Variants in ADARB2 observed in about 807,000 individuals in gnomAD.
ADARB2 encodes adenosine deaminase RNA specific B2 (inactive).
A neutral mutation model predicts 62.2 loss-of-function variants in ADARB2; 25 were observed. The observed-to-expected ratio is 0.40, with a 90% CI of 0.29 to 0.56. The LOEUF is 0.56. Among genes scored for constraint, ADARB2 ranks in the 20% least tolerant of loss-of-function variants. ADARB2 has a pLI of 0.43. For synonymous variants in ADARB2, 572 were observed against 500.8 expected (o/e 1.14, Z -1.90); for missense variants, 1,071 against 1,077.4 (o/e 0.99, Z 0.08).
In ADARB2 at chr10:1,363,287, G is replaced by A; in HGVS notation, c.818C>T (p.Ala273Val). 1.8e-5 allele frequency: 22 copies of A among 1,239,004 alleles called. No homozygotes were observed. The highest frequency in any genetic ancestry group is 2.2e-5 in the Non-Finnish European group (22 of 990,502). 76.8% of individuals were successfully genotyped at this position (1,239,004 alleles called of 1,614,324 possible). Residue 273 changes from alanine (A) to valine (V), a missense_variant, in exon 3 of 10, where the codon GCC becomes GTC. Physicochemically the swap from Ala to Val is moderately conservative, Grantham distance 64. Transcript: ENST00000381312. Reference protein sequence around the residue: ...LVGPTPATPAAPGERNPVVLL... With the variant: ...LVGPTPATPAVPGERNPVVLL... ...CACCACGGGGTTGCGCTCGCCCGGG[G>A]CCGCGGGGGTGGCGGGGGTCGGGCC...
intron 4 of ADARB2, among the ~76,000 whole-genome samples, chr10:1,256,185 ATCCAGC>A (rs1831077816): frequency 6.6e-6 from 1 of 152,198 alleles, no homozygotes; most frequent in South Asian, 2.1e-4. Flanking sequence ...GTTTTTGAAC[ATCCAGC>A]TCCAAGCTGT....
chr10:1,271,166 T>C (rs116828738), intron 3 of ADARB2, 97 bp from the exon 4 acceptor site: 22,441 of 972,116 alleles, frequency 0.023, 364 homozygotes, highest in Middle Eastern at 0.052. Context: ...CTCATCCCCA[T>C]GTGGCCACAC....
chr10:1,341,501 C>T (rs1832027715), intron 3 of ADARB2, among the ~76,000 whole-genome samples: 2 of 146,238 alleles, frequency 1.4e-5, no homozygotes, highest in African/African-American at 2.6e-5. Flanking sequence ...CCAGCATCCA[C>T]CAGAGAACCA....
At chr10:1,625,514 C>G (rs1315538063) in intron 1 of ADARB2, among the ~76,000 whole-genome samples, 1 of 152,120 alleles carries the variant, frequency 6.6e-6, no homozygotes, top group Non-Finnish European at 1.5e-5. Context: ...GAGGGAAAAA[C>G]AGGCCTCTGG....
At chr10:1,615,477 G>A (rs1276939013) in intron 1 of ADARB2, among the ~76,000 whole-genome samples, 1 of 152,218 alleles carries the variant, frequency 6.6e-6, no homozygotes, top group Non-Finnish European at 1.5e-5. Flanking sequence ...GTGTCAGGGT[G>A]CACAGCTGTC....
At chr10:1,394,748 G>A in intron 1 of ADARB2, 1 of 430,668 alleles carries the variant, frequency 2.3e-6, no homozygotes, top group South Asian at 1.7e-5. Context: ...TCTGAAGCCA[G>A]GGCCTGAGAT....
rs1426834529 is a variant in ADARB2 at position 1,420,240 on chromosome 10, T to C, written c.101-41080A>G. Among the ~76,000 whole-genome samples the C allele has an allele frequency of 2.0e-5, 3 of 152,352 alleles. No individual in the cohort carries two copies. In the South Asian group the frequency reaches 6.2e-4, roughly 32 times the overall value. ...CATGCCGTTTCTTTGTTTAATGAGC[T>C]CTTGCCTTGTGATTTTCATGTTTGA... On this transcript the variant is annotated intron_variant, in intron 1 of 9. Transcript: ENST00000381312.
chr10:1,218,664 C>T lies in ADARB2; in HGVS notation c.1514-1545G>A, dbSNP rs187103065. Among the ~76,000 whole-genome samples the T allele has an allele frequency of 1.5e-3, 221 of 152,210 alleles. 1 individual carries two copies. The highest frequency in any genetic ancestry group is 5.0e-3 in the African/African-American group (209 of 41,522). ...GGTGGGAGATGACTGGATCATGGGG[C>T]GGATTTCTCATGCCCAGTTTACTAC... On this transcript the variant is annotated intron_variant, in intron 6 of 9. Coordinates refer to ENST00000381312, the MANE Select transcript of ADARB2 (RefSeq NM_018702.4).
chr10:1,531,109 G>A (rs774152972), intron 1 of ADARB2, among the ~76,000 whole-genome samples: 2 of 152,198 alleles, frequency 1.3e-5, no homozygotes, highest in Non-Finnish European at 2.9e-5. Context: ...CCTACCATGT[G>A]CTCCAGGATG....
At position 1,332,178 on chromosome 10, in the gene ADARB2, C is replaced by T. The variant is rs547067290; in HGVS notation, c.1077+30850G>A. On this transcript the variant is annotated intron_variant, in intron 3 of 9. Transcript: ENST00000381312. The stretch of plus-strand genomic sequence containing the variant: ...CAACACTTTGAGAAGCTGAAGCAGG[C>T]AGACTGCCTGAGCCCAGGAATTTTA... Among the ~76,000 whole-genome samples, 76 of 152,312 alleles carry T rather than the reference C, an allele frequency of 5.0e-4. 1 individual carries two copies. The highest frequency in any genetic ancestry group is 1.7e-3 in the African/African-American group (69 of 41,562).
chr10:1,563,736 C>G (rs554272647), intron 1 of ADARB2, among the ~76,000 whole-genome samples: 1 of 148,408 alleles, frequency 6.7e-6, no homozygotes, highest in East Asian at 2.0e-4. Context: ...CCCACTAACT[C>G]GTCATCTAGC....
rs537273380 is a variant in ADARB2, at chr10:1,334,935, G to A, written c.1077+28093C>T. Among the ~76,000 whole-genome samples the A allele has an allele frequency of 2.6e-5, 4 of 152,272 alleles. No individual in the cohort carries two copies. In the East Asian group the frequency reaches 7.7e-4, roughly 29 times the overall value. ...TTGTCCTCACTTCAAACTCTTCCCAGAGCTTAATTCTAACATTTTATCATG... is the reference window on the plus strand; with the variant it reads ...TTGTCCTCACTTCAAACTCTTCCCAAAGCTTAATTCTAACATTTTATCATG... On this transcript the variant is annotated intron_variant, in intron 3 of 9. Coordinates refer to ENST00000381312, the MANE Select transcript of ADARB2 (RefSeq NM_018702.4).
intron 3 of ADARB2, among the ~76,000 whole-genome samples, chr10:1,296,507 CAGAGAATTG>C (rs1451992128): frequency 6.6e-6 from 1 of 152,126 alleles, no homozygotes; most frequent in Non-Finnish European, 1.5e-5. Flanking sequence ...TAACTGGCGG[CAGAGAATTG>C]AGGGACAGGC....
rs116595179 is a variant in ADARB2, at chr10:1,553,349, G to A, written c.101-174189C>T. 2.4e-3 allele frequency among the ~76,000 whole-genome samples: 359 copies of A among 152,190 alleles called. 6 individuals are homozygous for A. The highest frequency in any genetic ancestry group is 8.4e-3 in the African/African-American group (348 of 41,518). On this transcript the variant is annotated intron_variant, in intron 1 of 9. Coordinates refer to ENST00000381312, the MANE Select transcript of ADARB2 (RefSeq NM_018702.4). ...ATCAAGTTCAAACTCTTCTGGCACC[G>A]GGCGCCTTCTGGGAACTGGCATGGA...
At chr10:1,414,499 C>T (rs1588249947) in intron 1 of ADARB2, among the ~76,000 whole-genome samples, 1 of 152,256 alleles carries the variant, frequency 6.6e-6, no homozygotes. Flanking sequence ...CTCCCAGGAT[C>T]GATTATATCT....
At chr10:1,367,255 T>C (rs113076045) in intron 2 of ADARB2, among the ~76,000 whole-genome samples, 2,776 of 152,378 alleles carry the variant, frequency 0.018, 38 homozygotes, top group Middle Eastern at 0.034. Flanking sequence ...ACCTGGGTTC[T>C]CCTGCCGAAG....
intron 4 of ADARB2, among the ~76,000 whole-genome samples, chr10:1,260,159 A>G (rs1407703664): frequency 6.6e-6 from 1 of 152,246 alleles, no homozygotes; most frequent in African/African-American, 2.4e-5. Flanking sequence ...TCTGAAAATA[A>G]TAAGAGCTAT....
intron 3 of ADARB2, among the ~76,000 whole-genome samples, chr10:1,354,071 C>T (rs370935753): frequency 5.9e-5 from 9 of 152,262 alleles, no homozygotes; most frequent in African/African-American, 2.2e-4. Context: ...CTCTCCCACT[C>T]TAGGTTTCCA....
At position 1,179,598 on chromosome 10, in the gene ADARB2, A is replaced by C. The variant is rs956429537; in HGVS notation, c.*3595T>G. 1.3e-5 allele frequency: 2 copies of C among 152,228 alleles called. No individual in the cohort carries two copies. Among genetic ancestry groups the C allele is most frequent in the African/African-American group, 4.8e-5 (2 of 41,450 alleles). The allele number at this position is 152,228 out of a possible 1,614,324, so 9.4% of individuals were successfully genotyped here. On this transcript the variant is annotated 3_prime_UTR_variant, in exon 10 of 10. Transcript: ENST00000381312. ...GAAACCACCAGACACTAACTTTTTGACTAAGAACCAGGCCGGAAACCACAT... is the reference window on the plus strand; with the variant it reads ...GAAACCACCAGACACTAACTTTTTGCCTAAGAACCAGGCCGGAAACCACAT...
Sources: gnomAD v4.1 joint callset for allele counts (sites outside exome capture counted in the v4.1 genomes callset) on GRCh38, gnomAD v4.1.1 for gene constraint, MANE v1.5 for transcripts, NCBI Gene and HGNC (gene_info 2026-07-23, HGNC 2026-07-21) for gene names.